Variants in CREB5 observed in about 807,000 individuals in gnomAD.
CREB5 encodes the protein cAMP responsive element binding protein 5.
Under a neutral mutation model 57.1 loss-of-function variants are expected in CREB5, and 19 were observed. The observed-to-expected ratio is 0.33, with a 90% confidence interval of 0.23 to 0.49. CREB5 has a LOEUF of 0.49. CREB5 is among the 20% of genes least tolerant of loss of function. The pLI is 0.99. For synonymous variants in CREB5, 238 were observed against 238.3 expected, an observed-to-expected ratio of 1.00 and a Z score of 0.01; for missense variants, 579 against 671.6, an observed-to-expected ratio of 0.86 and a Z score of 1.52.
At chr7:28,459,434 TAG>T (rs1790256229) in intron 1 of CREB5, among the ~76,000 whole-genome samples, 1 of 152,184 alleles carries the variant, frequency 6.6e-6, no homozygotes, top group South Asian at 2.1e-4. Flanking sequence ...GTTGTCAGAT[TAG>T]AGTCATGTAG....
rs575657318 is a variant in CREB5 at position 28,340,156 on chromosome 7, T to C, written c.-25+40715T>C. ...ACTGTGGCCAAACTCGTACCTAAGG[T>C]GCAAGATAAAGTCCTGTTTACACTT... is the stretch of plus-strand genomic sequence containing the variant. On this transcript the variant is annotated intron_variant, in intron 1 of 9. Transcript: ENST00000396299. Among the ~76,000 whole-genome samples the C allele has an allele frequency of 6.6e-5, 10 of 152,262 alleles. No homozygotes were observed. In the Middle Eastern group the frequency reaches 0.01, roughly 155 times the overall value.
In CREB5 at chr7:28,520,091, A is replaced by T. The variant is rs374073027; in HGVS notation, c.291+12354A>T. On this transcript the variant is annotated intron_variant, in intron 4 of 10. Coordinates refer to ENST00000357727, the MANE Select transcript of CREB5 (RefSeq NM_182898.4). Reference sequence around the variant, plus strand: ...TTGAAAGGAACTGATCCACTAAAATACTTTGTTTAGTTGCATCGTGGTATG... The same window carrying T: ...TTGAAAGGAACTGATCCACTAAAATTCTTTGTTTAGTTGCATCGTGGTATG... 1.3e-4 allele frequency among the ~76,000 whole-genome samples: 20 copies of T among 152,286 alleles called. No individual in the cohort carries two copies. In the South Asian group the frequency reaches 4.1e-3, roughly 32 times the overall value.
rs144235497 is a variant in CREB5, at chr7:28,596,180, T to A, written c.464+25643T>A. ...TGTGAAGCAGCTCTGTAGAATGAGA[T>A]AAGTGAGCAGTCCCCTAAATCAATT... On this transcript the variant is annotated intron_variant, in intron 5 of 10. Coordinates refer to ENST00000357727, the MANE Select transcript of CREB5 (RefSeq NM_182898.4). 3.3e-4 allele frequency among the ~76,000 whole-genome samples: 51 copies of A among 152,308 alleles called. 1 individual carries two copies. The highest frequency in any genetic ancestry group is 1.2e-3 in the African/African-American group (49 of 41,570).
chr7:28,348,406 T>A (rs2079993), intron 1 of CREB5, among the ~76,000 whole-genome samples: 10 of 32,118 alleles, frequency 3.1e-4, no homozygotes, highest in African/African-American at 9.6e-4. Context: ...TGTCTCTCTC[T>A]CTCACACACA....
intron 1 of CREB5, among the ~76,000 whole-genome samples, chr7:28,317,301 AC>A (rs1305185795): frequency 6.6e-6 from 1 of 152,098 alleles, no homozygotes; most frequent in African/African-American, 2.4e-5. Flanking sequence ...AGCAGTGAAA[AC>A]CTTTGAATCA....
At chr7:28,656,518 A>G (rs1413524477) in intron 5 of CREB5, among the ~76,000 whole-genome samples, 1 of 152,218 alleles carries the variant, frequency 6.6e-6, no homozygotes, top group Admixed American at 6.5e-5. Flanking sequence ...GATTATTATC[A>G]TAGCAGCATC....
intron 1 of CREB5, among the ~76,000 whole-genome samples, chr7:28,370,452 G>A (rs1388970231): frequency 6.6e-6 from 1 of 152,206 alleles, no homozygotes; most frequent in Non-Finnish European, 1.5e-5. Context: ...GAGGATAAAA[G>A]TGACGTTCTG....
chr7:28,767,482 T>A (rs1806068095), intron 7 of CREB5, among the ~76,000 whole-genome samples: 1 of 152,212 alleles, frequency 6.6e-6, no homozygotes, highest in Admixed American at 6.5e-5. Context: ...ATTTTGAACT[T>A]GGCAGTGGTT....
chr7:28,365,385 C>A (rs1025900445), intron 1 of CREB5, among the ~76,000 whole-genome samples: 2 of 152,096 alleles, frequency 1.3e-5, no homozygotes, highest in African/African-American at 4.8e-5. Context: ...GGATCCCACA[C>A]CCTCACCTTT....
intron 1 of CREB5, among the ~76,000 whole-genome samples, chr7:28,421,420 G>T (rs774385181): frequency 7.9e-5 from 12 of 152,046 alleles, no homozygotes; most frequent in Non-Finnish European, 2.9e-5. Context: ...GTGGTATTTG[G>T]TTATGTAAGT....
In CREB5 at chr7:28,824,581, T is replaced by C. The variant is rs1809960285; in HGVS notation, c.*5302T>C. ...CAATAAACTTACAAGTAAAATTCAA[T>C]ACCAAAACAAACACAAAGAAATTTA... On this transcript the variant is annotated 3_prime_UTR_variant, in exon 11 of 11. Coordinates refer to ENST00000357727, the MANE Select transcript of CREB5 (RefSeq NM_182898.4). 6.6e-6 allele frequency: 1 copy of C among 152,582 alleles called. No homozygotes were observed. Among genetic ancestry groups the C allele is most frequent in the African/African-American group, 2.4e-5 (1 of 41,440 alleles). 9.5% of individuals were successfully genotyped at this position (152,582 alleles called of 1,614,324 possible). A position where few individuals can be genotyped will look rare whatever the true frequency, so the allele number is the denominator to read the frequency against.
At chr7:28,488,477 A>C (rs1471783422) in intron 2 of CREB5, among the ~76,000 whole-genome samples, 1 of 152,206 alleles carries the variant, frequency 6.6e-6, no homozygotes, top group African/African-American at 2.4e-5. Context: ...TAGCAGTGTT[A>C]GGCATTTCTG....
At chr7:28,645,491 C>T (rs1343781888) in intron 5 of CREB5, among the ~76,000 whole-genome samples, 2 of 152,204 alleles carry the variant, frequency 1.3e-5, no homozygotes, top group African/African-American at 2.4e-5. Context: ...CTGTGTTGTG[C>T]ATACACAGGA....
intron 5 of CREB5, among the ~76,000 whole-genome samples, chr7:28,599,002 C>T (rs911702450): frequency 2.0e-5 from 3 of 152,170 alleles, no homozygotes; most frequent in Non-Finnish European, 4.4e-5. Flanking sequence ...CTTCAGCTCT[C>T]ATCCTGTTTT....
intron 1 of CREB5, among the ~76,000 whole-genome samples, chr7:28,321,703 G>A (rs577999094): frequency 6.6e-6 from 1 of 152,266 alleles, no homozygotes; most frequent in African/African-American, 2.4e-5. Context: ...GGTGAGTGGG[G>A]GACTGCACAG....
intron 5 of CREB5, among the ~76,000 whole-genome samples, chr7:28,696,927 AT>A (rs1801604636): frequency 1.3e-5 from 2 of 151,992 alleles, no homozygotes; most frequent in South Asian, 4.2e-4. Flanking sequence ...ATGTGTATAT[AT>A]ACTTCACATA....
intron 5 of CREB5, among the ~76,000 whole-genome samples, chr7:28,642,997 C>CAT (rs1562544830): frequency 3.1e-5 from 4 of 127,906 alleles, no homozygotes; most frequent in Admixed American, 7.7e-5. Flanking sequence ...TACACACACA[C>CAT]ACACACACAC....
chr7:28,768,248 T>G (rs1405557720), intron 7 of CREB5, among the ~76,000 whole-genome samples: 1 of 152,016 alleles, frequency 6.6e-6, no homozygotes, highest in Non-Finnish European at 1.5e-5. Flanking sequence ...AAAAGACTCT[T>G]GTGGAAAGTA....
In CREB5 at chr7:28,798,363, C is replaced by A. The variant is rs187295979; in HGVS notation, c.703-5836C>A. On this transcript the variant is annotated intron_variant, in intron 7 of 10. Transcript: ENST00000357727. ...CACTTGCTAATGGGAGATAAATTGCCCAGGGTGGGTGTGGGTGGGTGTGCT... is the reference window on the plus strand; with the variant it reads ...CACTTGCTAATGGGAGATAAATTGCACAGGGTGGGTGTGGGTGGGTGTGCT... Among the ~76,000 whole-genome samples the A allele has an allele frequency of 2.9e-4, 10 of 34,998 alleles. No individual in the cohort carries two copies. The East Asian group carries it at 3.0e-3, about 10-fold the overall frequency. The allele number at this position is 34,998 out of a possible 152,430, so 23.0% of individuals were successfully genotyped here. A position where few individuals can be genotyped will look rare whatever the true frequency, so the allele number is the denominator to read the frequency against.
Sources: gnomAD v4.1 joint callset for allele counts (sites outside exome capture counted in the v4.1 genomes callset) on GRCh38, gnomAD v4.1.1 for gene constraint, MANE v1.5 for transcripts, NCBI Gene and HGNC (gene_info 2026-07-23, HGNC 2026-07-21) for gene names.